The following NKAIN2 variants were observed in gnomAD, a reference collection of about 807,000 sequenced individuals.
The protein encoded by NKAIN2 is sodium/potassium transporting ATPase interacting 2, also known as sodium/potassium-transporting ATPase subunit beta-1-interacting protein 2.
In NKAIN2, 14 loss-of-function variants were observed where a neutral mutation model predicts 32.6. The observed-to-expected ratio is 0.43, with a 90% CI of 0.28 to 0.67. The LOEUF is 0.67. Among genes scored for constraint, NKAIN2 ranks in the 30% least tolerant of loss-of-function variants. NKAIN2 has a pLI of 0.17. For synonymous variants in NKAIN2, 80 were observed against 87.2 expected, an observed-to-expected ratio of 0.92 and a Z score of 0.46; for missense variants, 198 against 258.3, an observed-to-expected ratio of 0.77 and a Z score of 1.60.
intron 1 of NKAIN2, among the ~76,000 whole-genome samples, chr6:123,884,608 T>C (rs1047413898): frequency 4.9e-4 from 74 of 152,160 alleles, no homozygotes; most frequent in Non-Finnish European, 5.4e-4. Flanking sequence ...GATAAGGTAG[T>C]GACAAAAATT....
At chr6:124,339,385 A>T (rs1257373981) in intron 2 of NKAIN2, among the ~76,000 whole-genome samples, 1 of 152,118 alleles carries the variant, frequency 6.6e-6, no homozygotes, top group African/African-American at 2.4e-5. Flanking sequence ...GCAGAAATTT[A>T]TTCTTCTGGA....
intron 1 of NKAIN2, among the ~76,000 whole-genome samples, chr6:123,822,093 T>G (rs62436622): frequency 1.2e-5 from 1 of 84,806 alleles, no homozygotes; most frequent in African/African-American, 1.1e-4. Context: ...TAGGAAGTAT[T>G]AATTTTAGGA....
At chr6:124,046,914 T>G (rs1782164636) in intron 1 of NKAIN2, among the ~76,000 whole-genome samples, 1 of 152,022 alleles carries the variant, frequency 6.6e-6, no homozygotes, top group Admixed American at 6.6e-5. Flanking sequence ...TATATTGGAA[T>G]GAGAAAATGG....
intron 4 of NKAIN2, among the ~76,000 whole-genome samples, chr6:124,670,645 C>CTGTGTGTGTGTGTGTGTGTGTGTG (rs57300688): frequency 3.2e-5 from 4 of 123,798 alleles, no homozygotes; most frequent in Non-Finnish European, 3.6e-5. Context: ...TCTTTGCTTT[C>CTGTGTGTGTGTGTGTGTGTGTGTG]TGTGTGTGTG....
intron 1 of NKAIN2, among the ~76,000 whole-genome samples, chr6:124,158,630 A>G (rs548693715): frequency 5.3e-5 from 8 of 152,224 alleles, no homozygotes; most frequent in African/African-American, 1.9e-4. Flanking sequence ...CTATCCCAAC[A>G]CACAGAGCAC....
chr6:124,119,821 C>G (rs898387028), intron 1 of NKAIN2, among the ~76,000 whole-genome samples: 4 of 152,150 alleles, frequency 2.6e-5, no homozygotes, highest in African/African-American at 9.7e-5. Flanking sequence ...TCAGACTGGG[C>G]TCTGCTACCA....
At chr6:124,116,477 T>C (rs1042288383) in intron 1 of NKAIN2, among the ~76,000 whole-genome samples, 14 of 152,282 alleles carry the variant, frequency 9.2e-5, no homozygotes, top group African/African-American at 3.1e-4. Context: ...GTAATAATTC[T>C]TTATCATTTA....
intron 1 of NKAIN2, among the ~76,000 whole-genome samples, chr6:123,850,812 A>G (rs1775310162): frequency 6.6e-6 from 1 of 152,160 alleles, no homozygotes; most frequent in Non-Finnish European, 1.5e-5. Context: ...ATGTTGTACA[A>G]TAGGTTTCTT....
chr6:124,658,110 C>G lies in NKAIN2; in HGVS notation c.274-76C>G, dbSNP rs1306941430. 4 of 1,179,324 alleles carry G rather than the reference C, an allele frequency of 3.4e-6. No individual in the cohort carries two copies. In the East Asian group the frequency reaches 7.2e-5, roughly 21 times the overall value. The allele number at this position is 1,179,324 out of a possible 1,614,324, so 73.1% of individuals were successfully genotyped here. A position where few individuals can be genotyped will look rare whatever the true frequency, so the allele number is the denominator to read the frequency against. ...AACCCACATTTCCAAATGGGAAAGT[C>G]AAAGCAAGTCAGTCCCAAGTAAGCT... On this transcript the variant is annotated intron_variant, in intron 3 of 6. Coordinates refer to ENST00000368417, the MANE Select transcript of NKAIN2 (RefSeq NM_001040214.3).
At chr6:123,936,085 TG>T (rs758545859) in intron 1 of NKAIN2, among the ~76,000 whole-genome samples, 46 of 152,296 alleles carry the variant, frequency 3.0e-4, no homozygotes, top group Non-Finnish European at 5.7e-4. Flanking sequence ...CAAAAAAATA[TG>T]GGCACTAAAA....
At chr6:123,863,612 A>C (rs1394475002) in intron 1 of NKAIN2, among the ~76,000 whole-genome samples, 1 of 151,896 alleles carries the variant, frequency 6.6e-6, no homozygotes, top group Non-Finnish European at 1.5e-5. Context: ...GATGATTACT[A>C]TTCAGGCCCT....
chr6:124,811,287 T>G (rs560740263), intron 5 of NKAIN2, among the ~76,000 whole-genome samples: 2 of 152,278 alleles, frequency 1.3e-5, no homozygotes, highest in African/African-American at 2.4e-5. Flanking sequence ...CCCTTCATGG[T>G]TTTTTACAGC....
At chr6:124,057,522 G>A (rs1159587912) in intron 1 of NKAIN2, among the ~76,000 whole-genome samples, 2 of 152,004 alleles carry the variant, frequency 1.3e-5, no homozygotes, top group African/African-American at 4.8e-5. Context: ...GACTCAGGCA[G>A]TAATTTGTTC....
intron 1 of NKAIN2, among the ~76,000 whole-genome samples, chr6:123,965,513 G>A (rs1778030754): frequency 6.6e-6 from 1 of 152,070 alleles, no homozygotes; most frequent in Admixed American, 6.6e-5. Context: ...CCTTATTAGA[G>A]TGGTTAAGAC....
chr6:124,103,326 T>G (rs1021774229), intron 1 of NKAIN2, among the ~76,000 whole-genome samples: 1 of 152,118 alleles, frequency 6.6e-6, no homozygotes, highest in African/African-American at 2.4e-5. Flanking sequence ...AACGTGGGGA[T>G]TTACTTGGAA....
intron 1 of NKAIN2, among the ~76,000 whole-genome samples, chr6:124,036,361 C>G (rs1281447802): frequency 6.6e-6 from 1 of 152,100 alleles, no homozygotes; most frequent in African/African-American, 2.4e-5. Flanking sequence ...TTTTCATCCC[C>G]TAACCACCTT....
chr6:124,499,028 A>T (rs1231733449), intron 3 of NKAIN2, among the ~76,000 whole-genome samples: 1 of 152,086 alleles, frequency 6.6e-6, no homozygotes, highest in Non-Finnish European at 1.5e-5. Flanking sequence ...GTGGCCTCCC[A>T]AAGTGCTGGT....
intron 3 of NKAIN2, among the ~76,000 whole-genome samples, chr6:124,626,882 GC>G (rs1244530516): frequency 6.6e-6 from 1 of 152,096 alleles, no homozygotes; most frequent in Non-Finnish European, 1.5e-5. Context: ...GGAGAATGAA[GC>G]CCCTTTTTTG....
rs146505576 is a variant in NKAIN2 at position 124,259,436 on chromosome 6, G to T, written c.55-23569G>T. 4.8e-3 allele frequency among the ~76,000 whole-genome samples: 725 copies of T among 152,242 alleles called. 12 individuals are homozygous for T. The highest frequency in any genetic ancestry group is 0.047 in the East Asian group (244 of 5,166). ...AGGAAAGAACCCAAATTAGGCAAATGTAAGCTTGAAGCTTTCGAGAAAGTC... is the reference window on the plus strand; with the variant it reads ...AGGAAAGAACCCAAATTAGGCAAATTTAAGCTTGAAGCTTTCGAGAAAGTC... On this transcript the variant is annotated intron_variant, in intron 1 of 6. Transcript: ENST00000368417.
Sources: gnomAD v4.1 joint callset for allele counts (sites outside exome capture counted in the v4.1 genomes callset) on GRCh38, gnomAD v4.1.1 for gene constraint, MANE v1.5 for transcripts, NCBI Gene and HGNC (gene_info 2026-07-23, HGNC 2026-07-21) for gene names.